Variants in EPB41L4B observed in about 807,000 individuals in gnomAD.
EPB41L4B encodes band 4.1-like protein 4B.
A neutral mutation model predicts 112.5 loss-of-function variants in EPB41L4B; 30 were observed. The ratio of observed to expected loss-of-function variants is 0.27; its 90% CI spans 0.20 to 0.36. The LOEUF (loss-of-function observed/expected upper bound fraction) is 0.36, where lower values mean the gene tolerates loss of function less well. Ranked by LOEUF, EPB41L4B falls within the 10% of genes least tolerant of loss-of-function variation. The probability of loss-of-function intolerance (pLI) is 1.00; values close to 1 mark genes in which losing one functional copy is unlikely to be tolerated. For synonymous variants in EPB41L4B, 408 were observed against 439.7 expected (o/e 0.93, Z 0.90); for missense variants, 1,024 against 1,133.3 (o/e 0.90, Z 1.38).
intron 22 of EPB41L4B, among the ~76,000 whole-genome samples, chr9:109,191,139 C>T (rs930152155): frequency 1.3e-5 from 2 of 152,144 alleles, no homozygotes; most frequent in Non-Finnish European, 2.9e-5. Flanking sequence ...CTTCTAGGAC[C>T]CTTTGGCGCT....
intron 1 of EPB41L4B, among the ~76,000 whole-genome samples, chr9:109,302,283 C>T (rs900446141): frequency 1.3e-5 from 2 of 152,152 alleles, no homozygotes; most frequent in African/African-American, 4.8e-5. Flanking sequence ...TCATTGTTCT[C>T]GGCCTCTCCT....
At chr9:109,241,877 A>G (rs1564288340) in intron 15 of EPB41L4B, 3 of 1,535,872 alleles carry the variant, frequency 2.0e-6, no homozygotes, top group Non-Finnish European at 9.0e-7. Flanking sequence ...AAGTGAAACA[A>G]CACAAGCACA....
At chr9:109,234,505 G>A in intron 15 of EPB41L4B, among the ~76,000 whole-genome samples, 1 of 152,304 alleles carries the variant, frequency 6.6e-6, no homozygotes, top group East Asian at 1.9e-4. Flanking sequence ...TAAGAAGGTG[G>A]AAAGGAAAAG....
At chr9:109,256,263 A>ACAG in intron 8 of EPB41L4B, 39 bp from the exon 9 acceptor site, 1 of 1,596,516 alleles carries the variant, frequency 6.3e-7, no homozygotes, top group South Asian at 1.1e-5. Flanking sequence ...GAGGGTTCTA[A>ACAG]CAGGTCGTCA....
intron 16 of EPB41L4B, among the ~76,000 whole-genome samples, chr9:109,214,083 A>G (rs1448450085): frequency 1.3e-5 from 2 of 152,216 alleles, no homozygotes; most frequent in Non-Finnish European, 2.9e-5. Flanking sequence ...CCATTTAAAA[A>G]TGAAAATAAA....
chr9:109,201,279 G>A lies in EPB41L4B; in HGVS notation c.1947-945C>T, dbSNP rs111245229. ...CAGCCTGGGCAACATGATAATACCCGTTTCTACAAAAAAATACAAAATTAG... is the reference window on the plus strand; with the variant it reads ...CAGCCTGGGCAACATGATAATACCCATTTCTACAAAAAAATACAAAATTAG... On this transcript the variant is annotated intron_variant, in intron 19 of 25. Transcript: ENST00000374566. Among the ~76,000 whole-genome samples the A allele has an allele frequency of 3.0e-3, 458 of 151,776 alleles. 1 individual carries two copies. The highest frequency in any genetic ancestry group is 0.011 in the African/African-American group (439 of 41,382).
At chr9:109,271,126 GGC>G (rs368073297) in intron 2 of EPB41L4B, among the ~76,000 whole-genome samples, 3 of 152,334 alleles carry the variant, frequency 2.0e-5, no homozygotes, top group African/African-American at 7.2e-5. Flanking sequence ...AAACACCTGT[GGC>G]TGGTGTGCAT....
At chr9:109,286,564 C>T (rs572854627) in intron 1 of EPB41L4B, among the ~76,000 whole-genome samples, 23 of 152,248 alleles carry the variant, frequency 1.5e-4, no homozygotes, top group Middle Eastern at 3.4e-3. Context: ...GTTGCCTTAT[C>T]GTTACCCAGG....
intron 1 of EPB41L4B, among the ~76,000 whole-genome samples, chr9:109,319,139 C>A (rs977850885): frequency 2.6e-5 from 4 of 152,216 alleles, no homozygotes; most frequent in African/African-American, 9.6e-5. Context: ...CACCGTCTGC[C>A]GCAGCGCCGG....
intron 22 of EPB41L4B, among the ~76,000 whole-genome samples, chr9:109,191,439 C>T (rs1466752583): frequency 6.6e-6 from 1 of 152,086 alleles, no homozygotes; most frequent in Non-Finnish European, 1.5e-5. Context: ...GTTGGAGATA[C>T]CCTGAGATGT....
chr9:109,259,745 G>A (rs1755357869), intron 6 of EPB41L4B, among the ~76,000 whole-genome samples: 1 of 152,168 alleles, frequency 6.6e-6, no homozygotes, highest in Non-Finnish European at 1.5e-5. Flanking sequence ...CTTTTACCTG[G>A]TTTAATTTTT....
chr9:109,297,009 T>C (rs1395225803), intron 1 of EPB41L4B, among the ~76,000 whole-genome samples: 2 of 152,008 alleles, frequency 1.3e-5, no homozygotes, highest in South Asian at 2.1e-4. Context: ...TGGAATGTGA[T>C]TGTGTTTGGA....
At chr9:109,220,646 T>C (rs1177875835) in intron 15 of EPB41L4B, among the ~76,000 whole-genome samples, 1 of 152,146 alleles carries the variant, frequency 6.6e-6, no homozygotes, top group Non-Finnish European at 1.5e-5. Flanking sequence ...CCAGAAGAAA[T>C]GGCACTATTT....
intron 17 of EPB41L4B, among the ~76,000 whole-genome samples, chr9:109,212,959 C>T (rs1833236668): frequency 1.3e-5 from 2 of 152,164 alleles, no homozygotes; most frequent in African/African-American, 4.8e-5. Flanking sequence ...GAAACGCTGG[C>T]AAAGAAAACG....
At chr9:109,292,056 G>A (rs1836555245) in intron 1 of EPB41L4B, among the ~76,000 whole-genome samples, 1 of 152,142 alleles carries the variant, frequency 6.6e-6, no homozygotes, top group Non-Finnish European at 1.5e-5. Context: ...TATGAGGACT[G>A]TGTGACCCCA....
chr9:109,196,818 C>G (rs1254427384), intron 20 of EPB41L4B, among the ~76,000 whole-genome samples: 2 of 152,036 alleles, frequency 1.3e-5, no homozygotes, highest in African/African-American at 4.8e-5. Context: ...CACATTTTCC[C>G]TCCTTGTCAT....
rs543823833 is a variant in EPB41L4B, at chr9:109,231,064, T to C, written c.1409+12554A>G. On this transcript the variant is annotated intron_variant, in intron 15 of 25. Coordinates refer to ENST00000374566, the MANE Select transcript of EPB41L4B (RefSeq NM_019114.5). Reference sequence around the variant, plus strand: ...GTCCCAGCTACCCAGGAGAATGAAGTGGGAGAAATGCTTGAATCTGGGAGG... The same window carrying C: ...GTCCCAGCTACCCAGGAGAATGAAGCGGGAGAAATGCTTGAATCTGGGAGG... Among the ~76,000 whole-genome samples the C allele has an allele frequency of 1.2e-3, 171 of 146,988 alleles. 1 individual carries two copies. Among genetic ancestry groups the C allele is most frequent in the African/African-American group, 4.2e-3 (165 of 39,370 alleles).
intron 1 of EPB41L4B, among the ~76,000 whole-genome samples, chr9:109,315,357 G>T (rs1038960110): frequency 6.6e-6 from 1 of 152,056 alleles, no homozygotes. Context: ...AGAAATTCTC[G>T]GGGTGTGCTC....
chr9:109,186,938 T>C (rs959508329), intron 22 of EPB41L4B, among the ~76,000 whole-genome samples: 10 of 152,094 alleles, frequency 6.6e-5, no homozygotes, highest in Non-Finnish European at 1.3e-4. Context: ...ATACCAAACA[T>C]TGTGAAAAAA....
Sources: gnomAD v4.1 joint callset for allele counts (sites outside exome capture counted in the v4.1 genomes callset) on GRCh38, gnomAD v4.1.1 for gene constraint, MANE v1.5 for transcripts, NCBI Gene and HGNC (gene_info 2026-07-23, HGNC 2026-07-21) for gene names.